Variants in NDUFAF7 observed in about 807,000 individuals in gnomAD.
The protein encoded by NDUFAF7 is NADH:ubiquinone oxidoreductase complex assembly factor 7.
NDUFAF7 carries 48 observed loss-of-function variants against 47.2 expected under a neutral mutation model. The observed-to-expected ratio is 1.02, with a 90% CI of 0.81 to 1.29. The LOEUF is 1.29. Ranked by LOEUF, NDUFAF7 falls within the 50% of genes most tolerant of loss-of-function variation. The pLI, the probability that NDUFAF7 is intolerant of heterozygous loss-of-function variation, is 0.00. For synonymous variants in NDUFAF7, 217 were observed against 190.0 expected, an observed-to-expected ratio of 1.14 and a Z score of -1.17; for missense variants, 635 against 537.6, an observed-to-expected ratio of 1.18 and a Z score of -1.79.
At chr2:37,254,388 G>T, downstream of NDUFAF7, 1 of 855,948 alleles carries the variant, frequency 1.2e-6, no homozygotes, top group Non-Finnish European at 1.9e-6. Context: ...GAAATACAGG[G>T]TTGAGGAATT....
chr2:37,251,026 G>GTAA (rs962312587), downstream of NDUFAF7: 2 of 151,340 alleles, frequency 1.3e-5, no homozygotes, highest in Non-Finnish European at 2.9e-5. Context: ...GTTTGACTAT[G>GTAA]TAAGTATAGC....
At chr2:37,266,860 T>C in the NDUFAF7 span, among the ~76,000 whole-genome samples, 1 of 152,206 alleles carries the variant, frequency 6.6e-6, no homozygotes, top group Non-Finnish European at 1.5e-5. Context: ...TTGCATATTA[T>C]AAATTATTTA....
At chr2:37,257,405 C>T (rs1417650345), downstream of NDUFAF7, among the ~76,000 whole-genome samples, 1 of 152,072 alleles carries the variant, frequency 6.6e-6, no homozygotes, top group Non-Finnish European at 1.5e-5. Context: ...GTGGCTCACA[C>T]CTGTAATCCC....
In NDUFAF7 at chr2:37,247,474, C is replaced by A; in HGVS notation, c.955C>A (p.Leu319Ile). 9 of 1,613,940 alleles carry A rather than the reference C, an allele frequency of 5.6e-6. No individual in the cohort carries two copies. The highest frequency in any genetic ancestry group is 7.6e-6 in the Non-Finnish European group (9 of 1,179,934). Residue 319 changes from leucine to isoleucine, a missense_variant, in exon 9 of 10, where the codon CTT (leucine) becomes ATT (isoleucine). By Grantham distance (5) the Leu-to-Ile change is conservative. Coordinates refer to ENST00000002125, the MANE Select transcript of NDUFAF7 (RefSeq NM_144736.5). Reference sequence around the variant, plus strand: ...GTTCAAGGGGTTTTGCGACCACAAGCTTCATGATGTCTTAATTGCCCCAGG... The same window carrying A: ...GTTCAAGGGGTTTTGCGACCACAAGATTCATGATGTCTTAATTGCCCCAGG... ...DTFRGFCDHK[L>I]HDVLIAPGTA...
the NDUFAF7 span, chr2:37,267,988 GTC>G: frequency 5.4e-6 from 1 of 185,524 alleles, no homozygotes; most frequent in African/African-American, 2.4e-5. Flanking sequence ...ATTTATATTT[GTC>G]TCTATATTCT....
intron 5 of NDUFAF7, chr2:37,242,315 C>G (rs1435434670): frequency 1.4e-5 from 4 of 285,270 alleles, no homozygotes; most frequent in East Asian, 1.9e-4. Context: ...TCAGCCTTCT[C>G]AGGCTGAGAA....
downstream of NDUFAF7, chr2:37,256,986 T>A (rs1459069255): frequency 2.2e-5 from 35 of 1,560,388 alleles, no homozygotes; most frequent in African/African-American, 2.2e-4. Context: ...TGTAACTACC[T>A]GTCCCTAAAT....
chr2:37,253,013 C>T, downstream of NDUFAF7: 1 of 589,362 alleles, frequency 1.7e-6, no homozygotes, highest in Non-Finnish European at 2.6e-6. Flanking sequence ...CAGTTTCCCG[C>T]CTGTACCTAC....
chr2:37,263,586 C>T, the NDUFAF7 span, among the ~76,000 whole-genome samples: 1 of 152,136 alleles, frequency 6.6e-6, no homozygotes, highest in South Asian at 2.1e-4. Flanking sequence ...GTATGATTTT[C>T]ACTCTTCCAC....
chr2:37,260,164 TA>T, the NDUFAF7 span: 121,982 of 896,762 alleles, frequency 0.14, no homozygotes, highest in South Asian at 0.18. Context: ...ACTCTTGTCT[TA>T]AAAAAAAAAA....
chr2:37,233,561 G>T (rs1454125535), intron 2 of NDUFAF7, among the ~76,000 whole-genome samples: 1 of 150,752 alleles, frequency 6.6e-6, no homozygotes, highest in Non-Finnish European at 1.5e-5. Flanking sequence ...CGCAGAGGTT[G>T]CAGTGAGCCT....
the NDUFAF7 span, chr2:37,260,119 G>T: frequency 9.7e-7 from 1 of 1,031,770 alleles, no homozygotes; most frequent in Non-Finnish European, 1.4e-6. Flanking sequence ...GAGCCAGATT[G>T]CACCACTGCA....
the NDUFAF7 span, chr2:37,269,652 C>T: frequency 1.2e-6 from 2 of 1,612,948 alleles, no homozygotes; most frequent in East Asian, 2.2e-5. Flanking sequence ...AACCAAGCAC[C>T]TCATCTGCAA....
chr2:37,248,248 A>G lies in NDUFAF7; in HGVS notation c.1224A>G (p.Leu408=), dbSNP rs780478853. 3.7e-6 allele frequency: 6 copies of G among 1,613,848 alleles called. No individual in the cohort carries two copies. Among genetic ancestry groups the G allele is most frequent in the Non-Finnish European group, 5.1e-6 (6 of 1,179,876 alleles). The change falls in exon 10 of 10, where the codon CTA becomes CTG. Residue 408 remains leucine (L), a synonymous_variant. Coordinates refer to ENST00000002125, the MANE Select transcript of NDUFAF7 (RefSeq NM_144736.5). ...AGAGATTTAACTTTTTTGCCTTGCT[A>G]CCTCATCAGAGACTTCAAGGTGGAA... ...MGERFNFFAL[L]PHQRLQGGRY... is the part of the protein sequence containing the mutation.
At chr2:37,252,598 T>C (rs545419412), downstream of NDUFAF7, 1 of 152,194 alleles carries the variant, frequency 6.6e-6, no homozygotes, top group South Asian at 2.1e-4. Context: ...AAAAGAAAGG[T>C]AAAACAGCCC....
the NDUFAF7 span, among the ~76,000 whole-genome samples, chr2:37,266,956 A>G: frequency 1.3e-5 from 2 of 152,240 alleles, no homozygotes; most frequent in African/African-American, 4.8e-5. Context: ...TGCTAGATGA[A>G]AAACACATAG....
chr2:37,241,421 G>T lies in NDUFAF7; in HGVS notation c.409-157G>T, dbSNP rs2041837. Among the ~76,000 whole-genome samples the T allele has an allele frequency of 0.64, 96,735 of 151,984 alleles. 31,607 individuals carry two copies. The highest frequency in any genetic ancestry group is 0.98 in the East Asian group (5,092 of 5,188). On this transcript the variant is annotated intron_variant, in intron 4 of 9. Transcript: ENST00000002125. ...ATTATGCTTAATAACTAGTAGGTTAGGATTCTTATAGACTGCTGGAGAGTG... is the reference window on the plus strand; with the variant it reads ...ATTATGCTTAATAACTAGTAGGTTATGATTCTTATAGACTGCTGGAGAGTG...
At chr2:37,247,329 G>T in intron 8 of NDUFAF7, 127 bp from the exon 9 acceptor site, 2 of 1,157,156 alleles carry the variant, frequency 1.7e-6, no homozygotes, top group Non-Finnish European at 2.5e-6. Context: ...CCTGCCTAGA[G>T]AATTAATGAG....
the NDUFAF7 span, among the ~76,000 whole-genome samples, chr2:37,264,063 C>T: frequency 1.3e-5 from 2 of 152,296 alleles, no homozygotes; most frequent in East Asian, 1.9e-4. Flanking sequence ...GCAAAAGAAA[C>T]ATTTTACATT....
Sources: gnomAD v4.1 joint callset for allele counts (sites outside exome capture counted in the v4.1 genomes callset) on GRCh38, gnomAD v4.1.1 for gene constraint, MANE v1.5 for transcripts, NCBI Gene and HGNC (gene_info 2026-07-23, HGNC 2026-07-21) for gene names.